The following DCDC2 variants were observed in gnomAD, a reference collection of about 807,000 sequenced individuals.
The protein encoded by DCDC2 is doublecortin domain-containing protein 2.
In DCDC2, 40 loss-of-function variants were observed where a neutral mutation model predicts 50.2. That is an observed-to-expected ratio of 0.80 (90% confidence interval 0.62 to 1.04). The LOEUF (loss-of-function observed/expected upper bound fraction) is 1.04. Ranked by LOEUF, DCDC2 falls within the 50% of genes least tolerant of loss-of-function variation. The pLI is 0.00. For synonymous variants in DCDC2, 234 were observed against 210.6 expected, an observed-to-expected ratio of 1.11 and a Z score of -0.96; for missense variants, 570 against 581.9, an observed-to-expected ratio of 0.98 and a Z score of 0.21.
At chr6:24,198,667 T>C (rs2113756663) in intron 8 of DCDC2, among the ~76,000 whole-genome samples, 1 of 151,908 alleles carries the variant, frequency 6.6e-6, no homozygotes, top group Middle Eastern at 3.4e-3. Context: ...AACCGTTCAC[T>C]CCCCTGGAAA....
intron 6 of DCDC2, among the ~76,000 whole-genome samples, chr6:24,279,471 C>A (rs908334596): frequency 4.6e-5 from 7 of 152,174 alleles, no homozygotes; most frequent in Admixed American, 1.3e-4. Context: ...GCCCCAGCTA[C>A]TCAAGAGGCT....
intron 2 of DCDC2, among the ~76,000 whole-genome samples, chr6:24,320,957 T>TA (rs1561773782): frequency 8.4e-6 from 1 of 118,846 alleles, no homozygotes. Context: ...AATAAAAAAA[T>TA]TAAAAAAAAA....
rs1759572136 is a variant in DCDC2, at chr6:24,311,672, A to G, written c.349-9628T>C. 2.0e-5 allele frequency among the ~76,000 whole-genome samples: 3 copies of G among 152,248 alleles called. No homozygotes were observed. In the South Asian group the frequency reaches 6.2e-4, roughly 31 times the overall value. ...ATGAGGCTACCATTACTCTAATTGT[A>G]TAGATGGGAAAAGATGAGCCTCCCC... On this transcript the variant is annotated intron_variant, in intron 2 of 9. Transcript: ENST00000378454.
intron 9 of DCDC2, among the ~76,000 whole-genome samples, chr6:24,177,053 G>T (rs1760932234): frequency 6.6e-6 from 1 of 152,182 alleles, no homozygotes; most frequent in South Asian, 2.1e-4. Flanking sequence ...AAAAAATCAT[G>T]TTGGATCTTA....
At chr6:24,316,121 T>C (rs907334297) in intron 2 of DCDC2, among the ~76,000 whole-genome samples, 3 of 152,154 alleles carry the variant, frequency 2.0e-5, no homozygotes, top group Non-Finnish European at 4.4e-5. Flanking sequence ...TCTTGGACAT[T>C]ACATCTGAGA....
chr6:24,172,053 GTTTCA>G lies in DCDC2; in HGVS notation c.*2672_*2676del, dbSNP rs1760790865. On this transcript the variant is annotated 3_prime_UTR_variant, in exon 10 of 10. Transcript: ENST00000378454. ...TAAAAGGTCCCAGGTCTGTCAATGA[GTTTCA>G]TTTAATTTGGAGAGCCAGTCTGCCA... The G allele has an allele frequency of 1.3e-5, 2 of 152,170 alleles. No homozygotes were observed. The highest frequency in any genetic ancestry group is 4.8e-5 in the African/African-American group (2 of 41,434). The allele number at this position is 152,170 out of a possible 1,614,324, so 9.4% of individuals were successfully genotyped here.
the DCDC2 span, among the ~76,000 whole-genome samples, chr6:24,376,485 G>A: frequency 6.6e-6 from 1 of 152,138 alleles, no homozygotes; most frequent in African/African-American, 2.4e-5. Flanking sequence ...GGCAGAAGCA[G>A]GAAATAGCAC....
chr6:24,288,351 G>A (rs1322269288), intron 6 of DCDC2, among the ~76,000 whole-genome samples: 1 of 152,220 alleles, frequency 6.6e-6, no homozygotes, highest in African/African-American at 2.4e-5. Context: ...TACTCCCACA[G>A]AGTAGGTATT....
chr6:24,323,407 G>C (rs752459802), intron 2 of DCDC2, among the ~76,000 whole-genome samples: 5 of 152,120 alleles, frequency 3.3e-5, no homozygotes, highest in Non-Finnish European at 5.9e-5. Flanking sequence ...TGGGAAAACT[G>C]ACAAAATTCT....
chr6:24,208,739 T>C (rs1336182167), intron 7 of DCDC2, among the ~76,000 whole-genome samples: 1 of 152,198 alleles, frequency 6.6e-6, no homozygotes, highest in Admixed American at 6.6e-5. Flanking sequence ...TCAATTTCTT[T>C]TACCAATTCT....
intron 8 of DCDC2, among the ~76,000 whole-genome samples, chr6:24,202,057 T>C (rs570373064): frequency 6.6e-6 from 1 of 151,534 alleles, no homozygotes; most frequent in African/African-American, 2.4e-5. Flanking sequence ...ACCAGACATA[T>C]AAAAAGGAGC....
At chr6:24,237,312 C>T (rs556000915) in intron 7 of DCDC2, among the ~76,000 whole-genome samples, 19 of 152,288 alleles carry the variant, frequency 1.2e-4, no homozygotes, top group Middle Eastern at 3.4e-3. Context: ...ACCAAACCCC[C>T]GTGACACTTG....
chr6:24,243,946 A>G (rs543940951), intron 7 of DCDC2, among the ~76,000 whole-genome samples: 4 of 152,338 alleles, frequency 2.6e-5, no homozygotes, highest in African/African-American at 7.2e-5. Flanking sequence ...ATTTTGGTTA[A>G]TATTTCCTGC....
chr6:24,272,594 C>T (rs1763260702), intron 7 of DCDC2, among the ~76,000 whole-genome samples: 1 of 152,064 alleles, frequency 6.6e-6, no homozygotes, highest in South Asian at 2.1e-4. Context: ...ATAAAAATGG[C>T]CAACAAGCAT....
intron 7 of DCDC2, among the ~76,000 whole-genome samples, chr6:24,248,000 C>T (rs1203176394): frequency 6.6e-6 from 1 of 152,116 alleles, no homozygotes; most frequent in African/African-American, 2.4e-5. Flanking sequence ...CACTTGAACA[C>T]GGGAGGCAGA....
rs71002473 is a variant in DCDC2, at chr6:24,182,629, GAA to G, written c.1024-3999_1024-3998del. 7.6e-5 allele frequency among the ~76,000 whole-genome samples: 8 copies of G among 105,928 alleles called. No homozygotes were observed. The South Asian group carries it at 1.5e-3, about 20-fold the overall frequency. 69.5% of individuals were successfully genotyped at this position (105,928 alleles called of 152,430 possible). ...TACCTAACACCCATTATGATGACAA[GAA>G]AAAAAAAAAAAAACAGAAGAAAACA... On this transcript the variant is annotated intron_variant, in intron 8 of 9. Transcript: ENST00000378454.
At chr6:24,358,950 A>G (rs1561788651), upstream of DCDC2, among the ~76,000 whole-genome samples, 1 of 62,506 alleles carries the variant, frequency 1.6e-5, no homozygotes, top group Non-Finnish European at 2.6e-5. Flanking sequence ...TATATTATAT[A>G]TTATATATTA....
chr6:24,227,118 C>T (rs970462676), intron 7 of DCDC2, among the ~76,000 whole-genome samples: 1 of 152,084 alleles, frequency 6.6e-6, no homozygotes, highest in Non-Finnish European at 1.5e-5. Context: ...GGGAGTATGA[C>T]AAAAACTAAA....
chr6:24,256,611 T>C (rs1762903143), intron 7 of DCDC2, among the ~76,000 whole-genome samples: 1 of 152,100 alleles, frequency 6.6e-6, no homozygotes, highest in South Asian at 2.1e-4. Flanking sequence ...AAAATAAACA[T>C]GTAAAAGAAA....
Sources: allele counts gnomAD v4.1 joint callset (sites outside exome capture counted in the v4.1 genomes callset), GRCh38; gene constraint gnomAD v4.1.1; transcripts MANE v1.5; gene names NCBI Gene and HGNC (gene_info 2026-07-23, HGNC 2026-07-21).